The following PKIA variants were observed in gnomAD, a reference collection of about 807,000 sequenced individuals.
PKIA encodes PKI-alpha.
A neutral mutation model predicts 7.6 loss-of-function variants in PKIA; 4 were observed. The observed-to-expected ratio is 0.52, with a 90% CI of 0.26 to 1.20. The LOEUF (loss-of-function observed/expected upper bound fraction) is 1.20. Ranked by LOEUF, PKIA falls within the 50% of genes most tolerant of loss-of-function variation. PKIA has a pLI of 0.13. For missense variants in PKIA, 73 were observed against 86.2 expected (o/e 0.85, Z 0.61); for synonymous variants, 21 against 30.7 (o/e 0.68, Z 1.04).
intron 1 of PKIA, among the ~76,000 whole-genome samples, chr8:78,542,052 T>C (rs1806707302): frequency 6.6e-6 from 1 of 152,060 alleles, no homozygotes; most frequent in South Asian, 2.1e-4. Flanking sequence ...GGTGTGCATC[T>C]GTAGTCCCGT....
At chr8:78,534,858 A>G (rs1806480759) in intron 1 of PKIA, 2 of 152,170 alleles carry the variant, frequency 1.3e-5, no homozygotes, top group Admixed American at 6.6e-5. Flanking sequence ...TATTCTTGAG[A>G]CGTAATAATA....
At chr8:78,578,179 T>C (rs143883921) in intron 2 of PKIA, among the ~76,000 whole-genome samples, 6 of 152,114 alleles carry the variant, frequency 3.9e-5, no homozygotes, top group Admixed American at 3.9e-4. Context: ...AAATGAACCA[T>C]GTGAATTCAA....
intron 1 of PKIA, among the ~76,000 whole-genome samples, chr8:78,545,433 G>C (rs1280747685): frequency 6.6e-6 from 1 of 152,080 alleles, no homozygotes; most frequent in Non-Finnish European, 1.5e-5. Flanking sequence ...TTTTGAAATA[G>C]TTCTGATATA....
chr8:78,582,546 T>C (rs750775699), intron 2 of PKIA, among the ~76,000 whole-genome samples: 2 of 152,114 alleles, frequency 1.3e-5, no homozygotes, highest in African/African-American at 2.4e-5. Flanking sequence ...ATTCAAGATG[T>C]GATTTGGGTG....
chr8:78,528,478 G>C (rs1413566192), intron 1 of PKIA, among the ~76,000 whole-genome samples: 2 of 151,934 alleles, frequency 1.3e-5, no homozygotes, highest in African/African-American at 4.8e-5. Context: ...AAGCACAATA[G>C]AAGTGATGTT....
At chr8:78,560,791 A>G (rs1009732022) in intron 1 of PKIA, among the ~76,000 whole-genome samples, 8 of 152,186 alleles carry the variant, frequency 5.3e-5, no homozygotes, top group Admixed American at 1.3e-4. Context: ...GATAGCCTGA[A>G]AAGATACATA....
chr8:78,601,934 T>C lies in PKIA; in HGVS notation c.*113T>C, dbSNP rs558462281. 30 of 807,314 alleles carry C rather than the reference T, an allele frequency of 3.7e-5. No homozygotes were observed. In the African/African-American group the frequency reaches 5.0e-4, roughly 13 times the overall value. The allele number at this position is 807,314 out of a possible 1,614,324, so 50.0% of individuals were successfully genotyped here. The stretch of plus-strand genomic sequence containing the variant: ...GGAAAAAGAAAATGGCTGTGCTGCA[T>C]TGCAGGAACCTGCTCATTATCATGT... On this transcript the variant is annotated 3_prime_UTR_variant, in exon 4 of 4. Transcript: ENST00000396418.
intron 1 of PKIA, chr8:78,535,715 C>G (rs1806504923): frequency 6.6e-6 from 1 of 152,012 alleles, no homozygotes. Flanking sequence ...TGGATTCAAC[C>G]AGCAGACTGA....
chr8:78,554,819 T>C (rs868203032), intron 1 of PKIA, among the ~76,000 whole-genome samples: 5 of 152,100 alleles, frequency 3.3e-5, no homozygotes, highest in African/African-American at 1.2e-4. Flanking sequence ...ACATCATATA[T>C]TGCAGTAGTA....
At chr8:78,518,888 G>T (rs1351284673) in intron 1 of PKIA, among the ~76,000 whole-genome samples, 1 of 152,118 alleles carries the variant, frequency 6.6e-6, no homozygotes, top group Non-Finnish European at 1.5e-5. Context: ...TCCTGAATTT[G>T]GACTTTGTTG....
intron 1 of PKIA, among the ~76,000 whole-genome samples, chr8:78,518,179 G>A (rs565030597): frequency 6.6e-6 from 1 of 152,334 alleles, no homozygotes; most frequent in Non-Finnish European, 1.5e-5. Context: ...CAGTATATGA[G>A]GCATAGGGTG....
At chr8:78,594,732 G>A (rs1401556917) in intron 2 of PKIA, among the ~76,000 whole-genome samples, 2 of 152,166 alleles carry the variant, frequency 1.3e-5, no homozygotes, top group Admixed American at 1.3e-4. Flanking sequence ...GTGGGTAATG[G>A]CATTAGAGGT....
At chr8:78,529,936 C>T (rs548396988) in intron 1 of PKIA, among the ~76,000 whole-genome samples, 30 of 151,920 alleles carry the variant, frequency 2.0e-4, no homozygotes, top group African/African-American at 6.8e-4. Context: ...TGTAGAACTG[C>T]GTAAAAAGAA....
chr8:78,558,363 T>A (rs547274658), intron 1 of PKIA: 2 of 152,850 alleles, frequency 1.3e-5, no homozygotes, highest in African/African-American at 4.8e-5. Flanking sequence ...TAGTCTGTTT[T>A]CATGCTGCTG....
rs181099111 is a variant in PKIA, at chr8:78,566,349, G to A, written c.-156-6462G>A. On this transcript the variant is annotated intron_variant, in intron 1 of 3. Coordinates refer to ENST00000396418, the MANE Select transcript of PKIA (RefSeq NM_006823.4). ...GATGGTGAGTGATCTCTGAGTAGCA[G>A]AAGGCAAAGAGAAAAATAGCCTTTT... is the stretch of plus-strand genomic sequence containing the variant. Among the ~76,000 whole-genome samples, 210 of 152,162 alleles carry A rather than the reference G, an allele frequency of 1.4e-3. 1 individual carries two copies. The highest frequency in any genetic ancestry group is 4.8e-3 in the African/African-American group (201 of 41,550).
At chr8:78,533,536 T>A (rs1563568926) in intron 1 of PKIA, among the ~76,000 whole-genome samples, 1 of 152,134 alleles carries the variant, frequency 6.6e-6, no homozygotes, top group Non-Finnish European at 1.5e-5. Flanking sequence ...CAAATAAGAT[T>A]GTTATGAAAG....
At chr8:78,546,566 C>T (rs1806830446) in intron 1 of PKIA, among the ~76,000 whole-genome samples, 1 of 152,096 alleles carries the variant, frequency 6.6e-6, no homozygotes, top group African/African-American at 2.4e-5. Context: ...AAAATAAGGG[C>T]TGTGTGCCAG....
chr8:78,565,966 C>T (rs1482407901), intron 1 of PKIA, among the ~76,000 whole-genome samples: 1 of 151,872 alleles, frequency 6.6e-6, no homozygotes, highest in Non-Finnish European at 1.5e-5. Context: ...TTGCCTTACA[C>T]CAGTGTTCGA....
intron 2 of PKIA, among the ~76,000 whole-genome samples, chr8:78,576,853 A>G (rs933748983): frequency 7.2e-5 from 11 of 152,094 alleles, no homozygotes; most frequent in African/African-American, 2.7e-4. Flanking sequence ...AGGAATATAA[A>G]TCATTCTATT....
Sources: allele counts gnomAD v4.1 joint callset (sites outside exome capture counted in the v4.1 genomes callset), GRCh38; gene constraint gnomAD v4.1.1; transcripts MANE v1.5; gene names NCBI Gene and HGNC (gene_info 2026-07-23, HGNC 2026-07-21).